CYP4X1: variants seen among roughly 807,000 people sequenced by gnomAD.
The protein encoded by CYP4X1 is cytochrome P450 4X1.
Under a neutral mutation model 57.9 loss-of-function variants are expected in CYP4X1, and 44 were observed. The observed-to-expected ratio is 0.76, with a 90% CI of 0.60 to 0.98. CYP4X1 has a LOEUF of 0.98. Ranked by LOEUF, CYP4X1 falls within the 50% of genes least tolerant of loss-of-function variation. The pLI, the probability that CYP4X1 is intolerant of heterozygous loss-of-function variation, is 0.00. For synonymous variants in CYP4X1, 227 were observed against 228.6 expected (o/e 0.99, Z 0.06); for missense variants, 532 against 623.9 (o/e 0.85, Z 1.57).
At chr1:46,998,101 A>C in the CYP4X1 span, among the ~76,000 whole-genome samples, 1 of 152,108 alleles carries the variant, frequency 6.6e-6, no homozygotes, top group Non-Finnish European at 1.5e-5. Flanking sequence ...GTTTTGATTT[A>C]GTATTATGCA....
chr1:46,991,270 G>A, the CYP4X1 span, among the ~76,000 whole-genome samples: 3 of 152,090 alleles, frequency 2.0e-5, no homozygotes, highest in Admixed American at 6.6e-5. Context: ...ATCAAGAAAC[G>A]AGAGCCTGGA....
chr1:47,008,672 G>C, the CYP4X1 span, among the ~76,000 whole-genome samples: 1 of 152,118 alleles, frequency 6.6e-6, no homozygotes, highest in African/African-American at 2.4e-5. Flanking sequence ...CTGTATTCAG[G>C]AAACCCATCT....
chr1:47,049,859 CT>C, intron 11 of CYP4X1, 140 bp from the exon 12 acceptor site: 3 of 935,300 alleles, frequency 3.2e-6, no homozygotes, highest in Non-Finnish European at 4.8e-6. Context: ...CAATTTAAGT[CT>C]AAAGTTCAAA....
At chr1:47,054,368 G>A (rs1644379664), downstream of CYP4X1, among the ~76,000 whole-genome samples, 1 of 152,112 alleles carries the variant, frequency 6.6e-6, no homozygotes, top group South Asian at 2.1e-4. Context: ...CTCCAGCTTT[G>A]TTCTTTTGGC....
upstream of CYP4X1, among the ~76,000 whole-genome samples, chr1:47,018,751 G>A (rs1018641973): frequency 6.6e-6 from 1 of 152,122 alleles, no homozygotes; most frequent in African/African-American, 2.4e-5. Context: ...ATAAAGCATG[G>A]TTTAGGTTTC....
At chr1:47,012,681 C>T in the CYP4X1 span, among the ~76,000 whole-genome samples, 1 of 152,094 alleles carries the variant, frequency 6.6e-6, no homozygotes, top group Non-Finnish European at 1.5e-5. Flanking sequence ...GCCCACTGAT[C>T]CAGGGACCAA....
intron 9 of CYP4X1, among the ~76,000 whole-genome samples, chr1:47,047,729 G>A (rs1242794913): frequency 1.3e-5 from 2 of 152,108 alleles, no homozygotes; most frequent in Non-Finnish European, 2.9e-5. Context: ...AGCCTCCCGA[G>A]TAGCTGGGAT....
chr1:47,006,797 C>G, the CYP4X1 span, among the ~76,000 whole-genome samples: 1 of 152,210 alleles, frequency 6.6e-6, no homozygotes, highest in African/African-American at 2.4e-5. Flanking sequence ...CTGCGACTGG[C>G]TTGGAGGGTC....
At chr1:46,994,055 T>C in the CYP4X1 span, among the ~76,000 whole-genome samples, 2 of 152,258 alleles carry the variant, frequency 1.3e-5, no homozygotes, top group African/African-American at 4.8e-5. Context: ...GGGGTTTTTA[T>C]GGTTTCAGGT....
the CYP4X1 span, among the ~76,000 whole-genome samples, chr1:47,015,203 T>C: frequency 3.9e-5 from 6 of 152,316 alleles, no homozygotes; most frequent in Admixed American, 2.0e-4. Context: ...AGAGGGACAG[T>C]GCAGAACAGT....
the CYP4X1 span, among the ~76,000 whole-genome samples, chr1:46,973,727 G>A: frequency 6.6e-6 from 1 of 152,122 alleles, no homozygotes; most frequent in Non-Finnish European, 1.5e-5. Flanking sequence ...TGTGTTCATA[G>A]TAGTCTCAGG....
downstream of CYP4X1, among the ~76,000 whole-genome samples, chr1:47,053,560 C>T (rs184731438): frequency 5.2e-3 from 793 of 152,304 alleles, 5 homozygotes; most frequent in Non-Finnish European, 8.7e-3. Context: ...CTTATTTCTC[C>T]ACATCCTCTC....
the CYP4X1 span, among the ~76,000 whole-genome samples, chr1:47,014,135 C>T: frequency 6.6e-6 from 1 of 151,998 alleles, no homozygotes; most frequent in African/African-American, 2.4e-5. Context: ...ATAAGGAAAA[C>T]AGATACTGGA....
At chr1:46,994,998 A>G in the CYP4X1 span, among the ~76,000 whole-genome samples, 2 of 151,970 alleles carry the variant, frequency 1.3e-5, no homozygotes, top group African/African-American at 4.8e-5. Context: ...GATGGATTAG[A>G]CTCTTTCTCT....
upstream of CYP4X1, among the ~76,000 whole-genome samples, chr1:47,021,947 G>C: frequency 6.6e-6 from 1 of 152,164 alleles, no homozygotes; most frequent in East Asian, 1.9e-4. Flanking sequence ...TGAAGTTTCA[G>C]CTCTGGGGCA....
the CYP4X1 span, among the ~76,000 whole-genome samples, chr1:47,005,303 T>C: frequency 6.6e-6 from 1 of 152,098 alleles, no homozygotes; most frequent in African/African-American, 2.4e-5. Context: ...CAGACTTAGG[T>C]GCTGCTGTCC....
chr1:47,030,039 A>T lies in CYP4X1; in HGVS notation c.227A>T (p.Tyr76Phe). The T allele has an allele frequency of 6.2e-7, 1 of 1,614,062 alleles. No homozygotes were observed. Among genetic ancestry groups the T allele is most frequent in the Non-Finnish European group, 8.5e-7 (1 of 1,180,000 alleles). ...MEKLEEIIEK[Y>F]PRAFPFWIGP... Reference sequence around the variant, plus strand: ...AAGCTTGAGGAAATTATTGAAAAATACCCTCGTGCCTTCCCTTTCTGGATT... The same window carrying T: ...AAGCTTGAGGAAATTATTGAAAAATTCCCTCGTGCCTTCCCTTTCTGGATT... Residue 76 changes from tyrosine (Y) to phenylalanine (F), a missense_variant, in exon 2 of 12, where the codon TAC becomes TTC. Transcript: ENST00000371901.
chr1:47,045,792 C>T (rs1439633198), intron 8 of CYP4X1, among the ~76,000 whole-genome samples: 2 of 152,212 alleles, frequency 1.3e-5, no homozygotes, highest in Non-Finnish European at 2.9e-5. Context: ...TAGAACTTTC[C>T]AGAGGTGATT....
the CYP4X1 span, among the ~76,000 whole-genome samples, chr1:46,986,794 A>G: frequency 6.6e-6 from 1 of 150,776 alleles, no homozygotes; most frequent in Admixed American, 6.5e-5. Flanking sequence ...TCATAAGTGA[A>G]GGAGAAATAA....
Sources: allele counts gnomAD v4.1 joint callset (sites outside exome capture counted in the v4.1 genomes callset), GRCh38; gene constraint gnomAD v4.1.1; transcripts MANE v1.5; gene names NCBI Gene and HGNC (gene_info 2026-07-23, HGNC 2026-07-21).